The following DOCK8 variants were observed in gnomAD, a reference collection of about 807,000 sequenced individuals.
DOCK8 encodes the protein dedicator of cytokinesis protein 8.
In DOCK8, 141 loss-of-function variants were observed where a neutral mutation model predicts 245.6. The observed-to-expected ratio is 0.57, with a 90% CI of 0.50 to 0.66. DOCK8 has a LOEUF of 0.66. Among genes scored for constraint, DOCK8 ranks in the 30% least tolerant of loss-of-function variants. The pLI is 0.00. For missense variants in DOCK8, 2,965 were observed against 2,603.4 expected, an observed-to-expected ratio of 1.14 and a Z score of -3.02; for synonymous variants, 1,168 against 970.2, an observed-to-expected ratio of 1.20 and a Z score of -3.79.
intron 3 of DOCK8, among the ~76,000 whole-genome samples, chr9:288,010 AC>A (rs1286155775): frequency 6.6e-6 from 1 of 152,042 alleles, no homozygotes. Flanking sequence ...CCTGTTTCTT[AC>A]AAAACAAAAA....
intron 26 of DOCK8, among the ~76,000 whole-genome samples, chr9:403,858 A>ATC (rs749646963): frequency 0.053 from 4,436 of 83,462 alleles, 176 homozygotes; most frequent in Non-Finnish European, 0.071. Flanking sequence ...AAGACTCTGT[A>ATC]TCTCTCTCTC....
chr9:445,674 G>C (rs7855358), intron 43 of DOCK8, among the ~76,000 whole-genome samples: 5 of 151,926 alleles, frequency 3.3e-5, no homozygotes, highest in Non-Finnish European at 5.9e-5. Flanking sequence ...GTAGTATTCT[G>C]TTGTGTGACT....
intron 1 of DOCK8, among the ~76,000 whole-genome samples, chr9:246,391 A>G (rs766041984): frequency 6.6e-6 from 1 of 152,068 alleles, no homozygotes; most frequent in African/African-American, 2.4e-5. Context: ...ACAGCCAGAC[A>G]TGGTTGTGAG....
At chr9:374,183 G>A (rs1324481304) in intron 18 of DOCK8, among the ~76,000 whole-genome samples, 2 of 152,156 alleles carry the variant, frequency 1.3e-5, no homozygotes, top group Non-Finnish European at 2.9e-5. Flanking sequence ...GCTATGCTGT[G>A]TTTATAGATA....
At chr9:295,580 C>G (rs1463171413) in intron 4 of DOCK8, among the ~76,000 whole-genome samples, 3 of 152,184 alleles carry the variant, frequency 2.0e-5, no homozygotes, top group Admixed American at 1.3e-4. Context: ...GGAGGGGGGA[C>G]CTGCCTTCCT....
chr9:214,762 CA>C, upstream of DOCK8: 1 of 1,536,888 alleles, frequency 6.5e-7, no homozygotes, highest in Non-Finnish European at 8.7e-7. Flanking sequence ...GCCTGCGCGC[CA>C]GGCCGGGTGG....
rs756945755 is a variant in DOCK8, at chr9:405,093, A to G, written c.3390+20A>G. 7 of 1,604,350 alleles carry G rather than the reference A, an allele frequency of 4.4e-6. No individual in the cohort carries two copies. Among genetic ancestry groups the G allele is most frequent in the Non-Finnish European group, 1.7e-6 (2 of 1,172,514 alleles). On this transcript the variant is annotated intron_variant, in intron 27 of 47. Coordinates refer to ENST00000432829, the MANE Select transcript of DOCK8 (RefSeq NM_203447.4). ...TCCCAGGTAATAAAAGAATTATTTA[A>G]CTAAAAGAATTATTCAAGCTATTTC... is the stretch of plus-strand genomic sequence containing the variant.
At chr9:226,620 A>C (rs1306567600) in intron 1 of DOCK8, among the ~76,000 whole-genome samples, 1 of 152,098 alleles carries the variant, frequency 6.6e-6, no homozygotes, top group Non-Finnish European at 1.5e-5. Flanking sequence ...GGGGCAATGA[A>C]AAACAAAAAA....
At chr9:370,355 G>C (rs2053230352) in intron 16 of DOCK8, 55 bp downstream of exon 16, 1 of 1,528,954 alleles carries the variant, frequency 6.5e-7, no homozygotes, top group Non-Finnish European at 9.1e-7. Flanking sequence ...TCATCTCCTG[G>C]TTTTTCCAAG....
intron 1 of DOCK8, among the ~76,000 whole-genome samples, chr9:247,787 T>G (rs1429654461): frequency 6.6e-6 from 1 of 152,140 alleles, no homozygotes; most frequent in African/African-American, 2.4e-5. Context: ...TCCACCCTCC[T>G]CGGCCTCCCA....
rs1208751403 is a variant in DOCK8 at position 312,207 on chromosome 9, ACT to A, written c.741+44_741+45del. 7 of 1,591,344 alleles carry A rather than the reference ACT, an allele frequency of 4.4e-6. No homozygotes were observed. The Admixed American group carries it at 6.7e-5, about 15-fold the overall frequency. ...TCCATACTGGAGAATCTCAGTGAAG[ACT>A]CTGAGAGTCATGTGGACAATTGTGT... On this transcript the variant is annotated intron_variant, in intron 6 of 47. Transcript: ENST00000432829.
chr9:220,680 C>G (rs1472575701), intron 1 of DOCK8: 2 of 384,606 alleles, frequency 5.2e-6, no homozygotes, highest in East Asian at 8.5e-5. Flanking sequence ...CAGGAATGTG[C>G]TACTGCTGTT....
rs147818107 is a variant in DOCK8, at chr9:449,279, G to T, written c.5818-505G>T. 6.3e-3 allele frequency among the ~76,000 whole-genome samples: 962 copies of T among 152,284 alleles called. 12 individuals are homozygous for T. Among genetic ancestry groups the T allele is most frequent in the African/African-American group, 0.022 (912 of 41,556 alleles). The stretch of plus-strand genomic sequence containing the variant: ...GCAGGAGAATTGCTTGAACCCGGGA[G>T]GCGGAGATTGCAGTGAGCCAAGATC... On this transcript the variant is annotated intron_variant, in intron 44 of 47. Coordinates refer to ENST00000432829, the MANE Select transcript of DOCK8 (RefSeq NM_203447.4).
At chr9:279,533 C>T (rs2048491146) in intron 2 of DOCK8, among the ~76,000 whole-genome samples, 1 of 152,124 alleles carries the variant, frequency 6.6e-6, no homozygotes, top group Non-Finnish European at 1.5e-5. Context: ...CACAATTTGC[C>T]TGGTACTGAG....
chr9:425,351 C>T (rs147242801), intron 33 of DOCK8, among the ~76,000 whole-genome samples: 1,597 of 151,934 alleles, frequency 0.011, 17 homozygotes, highest in African/African-American at 0.033. Context: ...GCTAACGCGG[C>T]GAAACCCCGT....
chr9:313,203 C>G (rs2050201741), intron 6 of DOCK8, among the ~76,000 whole-genome samples: 1 of 152,220 alleles, frequency 6.6e-6, no homozygotes, highest in Non-Finnish European at 1.5e-5. Flanking sequence ...CCATCTAGCA[C>G]CTTCCTCTTT....
intron 23 of DOCK8, among the ~76,000 whole-genome samples, chr9:389,799 T>G (rs139425262): frequency 7.2e-5 from 11 of 151,922 alleles, no homozygotes; most frequent in African/African-American, 2.7e-4. Context: ...GTGGATTGCT[T>G]GAGCTCAGGA....
intron 39 of DOCK8, among the ~76,000 whole-genome samples, chr9:438,774 G>C (rs2056988454): frequency 6.6e-6 from 1 of 152,238 alleles, no homozygotes; most frequent in Non-Finnish European, 1.5e-5. Flanking sequence ...AATGAAGACA[G>C]CCTCGCTTGC....
intron 1 of DOCK8, chr9:220,726 T>TC (rs1247756018): frequency 9.7e-6 from 4 of 412,110 alleles, no homozygotes; most frequent in East Asian, 1.6e-4. Context: ...TCTTTTTTTT[T>TC]TTTTTTCTTT....
Sources: allele counts gnomAD v4.1 joint callset (sites outside exome capture counted in the v4.1 genomes callset), GRCh38; gene constraint gnomAD v4.1.1; transcripts MANE v1.5; gene names NCBI Gene and HGNC (gene_info 2026-07-23, HGNC 2026-07-21).